CCDC88C: variants seen among roughly 807,000 people sequenced by gnomAD.
CCDC88C encodes the protein coiled-coil and HOOK domain protein 88C, also known as protein Daple.
Under a neutral mutation model 198.8 loss-of-function variants are expected in CCDC88C, and 131 were observed. The observed-to-expected ratio is 0.66, with a 90% confidence interval of 0.57 to 0.76. The LOEUF is 0.76. CCDC88C is among the 30% of genes least tolerant of loss of function. CCDC88C has a pLI of 0.00. For missense variants in CCDC88C, 2,553 were observed against 2,631.6 expected (o/e 0.97, Z 0.65); for synonymous variants, 1,166 against 1,114.7 (o/e 1.05, Z -0.92).
Position 91,303,834 on chromosome 14 carries a change from G to T in CCDC88C, c.3502C>A (p.Leu1168Met). The T allele has an allele frequency of 6.2e-7, 1 of 1,613,284 alleles. No individual in the cohort carries two copies. The highest frequency in any genetic ancestry group is 8.5e-7 in the Non-Finnish European group (1 of 1,179,900). Residue 1168 changes from leucine to methionine, a missense_variant, in exon 20 of 30, where the codon CTG (leucine) becomes ATG (methionine). Leu to Met is a conservative substitution (Grantham distance 15, BLOSUM62 2). Transcript: ENST00000389857. ...EQLTAAYEAL[L>M]QDHEHLGTLH... is the part of the protein sequence containing the mutation. ...GTGCCCAGGTGCTCGTGGTCCTGCA[G>T]CAGGGCCTCGTAGGCCGCTGTAAGT...
intron 3 of CCDC88C, among the ~76,000 whole-genome samples, chr14:91,403,288 T>C (rs1886315900): frequency 6.6e-6 from 1 of 152,138 alleles, no homozygotes; most frequent in South Asian, 2.1e-4. Context: ...GTGGACTCGA[T>C]GACAAAGACA....
At chr14:91,401,020 G>C (rs1886137452) in intron 3 of CCDC88C, among the ~76,000 whole-genome samples, 1 of 151,746 alleles carries the variant, frequency 6.6e-6, no homozygotes, top group South Asian at 2.1e-4. Context: ...TATTATGAAA[G>C]AGTATTTAAT....
rs143985114 is a variant in CCDC88C, at chr14:91,325,388, GCT to G, written c.1198-467_1198-466del. Among the ~76,000 whole-genome samples, 1 of 152,010 alleles carries G rather than the reference GCT, an allele frequency of 6.6e-6. No homozygotes were observed. Among genetic ancestry groups the G allele is most frequent in the African/African-American group, 2.4e-5 (1 of 41,334 alleles). On this transcript the variant is annotated intron_variant, in intron 11 of 29. Coordinates refer to ENST00000389857, the MANE Select transcript of CCDC88C (RefSeq NM_001080414.4). This position sits in a 1 kb window ranked among gnomAD's most constrained non-coding sequence, Gnocchi z 4.1. ...CAGAAAAGCAATACAGAAGTCAAGT[GCT>G]CTGTTTGTGGGTGTTAAGTGGCACC...
intron 24 of CCDC88C, among the ~76,000 whole-genome samples, chr14:91,289,793 T>C (rs903773748): frequency 1.3e-5 from 2 of 152,066 alleles, no homozygotes; most frequent in African/African-American, 2.4e-5. Context: ...TGATTAAAAA[T>C]CAGTGCATTT....
rs77825968 is a variant in CCDC88C at position 91,325,559 on chromosome 14, C to G, written c.1197+351G>C. Among the ~76,000 whole-genome samples the G allele has an allele frequency of 0.011, 1,747 of 152,172 alleles. 38 individuals are homozygous for G. Among genetic ancestry groups the G allele is most frequent in the African/African-American group, 0.039 (1,609 of 41,510 alleles). On this transcript the variant is annotated intron_variant, in intron 11 of 29. Coordinates refer to ENST00000389857, the MANE Select transcript of CCDC88C (RefSeq NM_001080414.4). This position sits in a 1 kb window ranked among gnomAD's most constrained non-coding sequence, Gnocchi z 4.1. ...GGGCACGCCATAAACCTGAACCTGCCCCAATCGGTTTTCTTTTCTTTCTTT... is the reference window on the plus strand; with the variant it reads ...GGGCACGCCATAAACCTGAACCTGCGCCAATCGGTTTTCTTTTCTTTCTTT...
At chr14:91,309,439 A>C (rs1274745129) in intron 16 of CCDC88C, among the ~76,000 whole-genome samples, 2 of 152,004 alleles carry the variant, frequency 1.3e-5, no homozygotes, top group Non-Finnish European at 2.9e-5. Flanking sequence ...CCCCCTCTAT[A>C]CAAAACATAC....
rs1339635458 is a variant in CCDC88C, at chr14:91,321,279, C to T, written c.1368G>A (p.Glu456=). 3 of 1,564,134 alleles carry T rather than the reference C, an allele frequency of 1.9e-6. No homozygotes were observed. Among genetic ancestry groups the T allele is most frequent in the East Asian group, 2.4e-5 (1 of 41,834 alleles). Residue 456 remains glutamate (E), a synonymous_variant, in exon 13 of 30, where the codon GAG becomes GAA. Coordinates refer to ENST00000389857, the MANE Select transcript of CCDC88C (RefSeq NM_001080414.4). ...TGCGGCTGGACGCACATTCGTTCAG[C>T]TCAAACACAAACGACTTCCTGGAGG... ...SDASRKSFVF[E]LNECASSRIL...
intron 3 of CCDC88C, among the ~76,000 whole-genome samples, chr14:91,406,777 C>T (rs924255712): frequency 2.0e-5 from 3 of 152,250 alleles, no homozygotes; most frequent in African/African-American, 7.2e-5. Context: ...CTTTACCCCA[C>T]TGCCCCTGTG....
intron 4 of CCDC88C, among the ~76,000 whole-genome samples, chr14:91,347,077 C>T (rs1284439594): frequency 2.0e-5 from 3 of 152,056 alleles, no homozygotes; most frequent in Admixed American, 6.6e-5. Context: ...GAGGCACAGA[C>T]CCTTCCCAGC....
intron 18 of CCDC88C, among the ~76,000 whole-genome samples, chr14:91,306,732 A>C (rs1210060790): frequency 2.0e-5 from 3 of 152,174 alleles, no homozygotes; most frequent in Non-Finnish European, 4.4e-5. Flanking sequence ...TGCTAATAAA[A>C]CTTTATTTAC....
chr14:91,347,042 C>T (rs1893572461), intron 4 of CCDC88C, among the ~76,000 whole-genome samples: 1 of 152,164 alleles, frequency 6.6e-6, no homozygotes, highest in Non-Finnish European at 1.5e-5. Flanking sequence ...GGCAAGTGCT[C>T]ATCACATGCC....
At chr14:91,305,339 A>G (rs961952453) in intron 19 of CCDC88C, among the ~76,000 whole-genome samples, 5 of 152,186 alleles carry the variant, frequency 3.3e-5, no homozygotes, top group African/African-American at 1.2e-4. Flanking sequence ...AATATCCTAC[A>G]CTTCCCTCTT....
chr14:91,295,957 A>G (rs1013341596), intron 22 of CCDC88C, among the ~76,000 whole-genome samples: 7 of 152,248 alleles, frequency 4.6e-5, no homozygotes, highest in African/African-American at 1.7e-4. Flanking sequence ...GAGCCCGCAC[A>G]GAGAAAAAGA....
chr14:91,366,449 G>GTCATCA (rs1319311102), intron 3 of CCDC88C, among the ~76,000 whole-genome samples: 1 of 152,074 alleles, frequency 6.6e-6, no homozygotes, highest in African/African-American at 2.4e-5. Flanking sequence ...TTGCGCCACT[G>GTCATCA]CCCTCCAGCC....
chr14:91,367,636 C>G (rs764863462), intron 3 of CCDC88C, among the ~76,000 whole-genome samples: 1 of 152,088 alleles, frequency 6.6e-6, no homozygotes, highest in Non-Finnish European at 1.5e-5. Context: ...GGGAGTACTG[C>G]CAAACTGCCC....
chr14:91,319,816 G>A (rs891266526), intron 13 of CCDC88C, among the ~76,000 whole-genome samples: 1 of 151,914 alleles, frequency 6.6e-6, no homozygotes, highest in Non-Finnish European at 1.5e-5. Context: ...ACCTGAGGTC[G>A]GGAGTTTGAG....
chr14:91,309,588 C>T (rs1297687420), intron 16 of CCDC88C, among the ~76,000 whole-genome samples: 10 of 141,244 alleles, frequency 7.1e-5, no homozygotes, highest in African/African-American at 2.7e-4. Flanking sequence ...CCAGCCTGGA[C>T]AACAGAGCCA....
intron 3 of CCDC88C, among the ~76,000 whole-genome samples, chr14:91,368,893 G>A (rs1894657325): frequency 6.6e-6 from 1 of 152,216 alleles, no homozygotes; most frequent in South Asian, 2.1e-4. Flanking sequence ...CTGACGACCT[G>A]GCACTGGCAA....
chr14:91,359,692 A>C lies in CCDC88C; in HGVS notation c.290T>G (p.Ile97Ser). ...CAAAACATTGGGCAAATTCATTACA[A>C]TCAGCTGCTGGAGAACTTCCTGCAG... is the stretch of plus-strand genomic sequence containing the variant. ...TYYQEVLQQL[I>S]VMNLPNVLMI... Residue 97 changes from isoleucine to serine, a missense_variant, in exon 4 of 30, where the codon ATT (isoleucine) becomes AGT (serine). This residue lies in a region of CCDC88C where 1,260 missense variants were observed against 1,412.0 expected (regional missense o/e 0.89). Coordinates refer to ENST00000389857, the MANE Select transcript of CCDC88C (RefSeq NM_001080414.4). The C allele has an allele frequency of 6.2e-7, 1 of 1,610,614 alleles. No homozygotes were observed. Among genetic ancestry groups the C allele is most frequent in the African/African-American group, 1.3e-5 (1 of 75,022 alleles).
Sources: gnomAD v4.1 joint callset for allele counts (sites outside exome capture counted in the v4.1 genomes callset) on GRCh38, gnomAD v4.1.1 for gene constraint, gnomAD v4.1.1 regional missense constraint, Gnocchi (gnomAD v3.1) non-coding constraint, MANE v1.5 for transcripts, NCBI Gene and HGNC (gene_info 2026-07-23, HGNC 2026-07-21) for gene names.